C2orf80: variants seen among roughly 807,000 people sequenced by gnomAD.
The protein encoded by C2orf80 is uncharacterized protein C2orf80.
A neutral mutation model predicts 30.2 loss-of-function variants in C2orf80; 28 were observed. That is an observed-to-expected ratio of 0.93 (90% CI 0.69 to 1.27). The LOEUF (loss-of-function observed/expected upper bound fraction) is 1.27, where lower values mean the gene tolerates loss of function less well. C2orf80 is among the 50% of genes most tolerant of loss of function. The pLI is 0.00. For missense variants in C2orf80, 220 were observed against 231.0 expected (o/e 0.95, Z 0.31); for synonymous variants, 80 against 76.4 (o/e 1.05, Z -0.24).
At chr2:208,167,626 G>C (rs1322968987) in intron 8 of C2orf80, among the ~76,000 whole-genome samples, 1 of 152,094 alleles carries the variant, frequency 6.6e-6, no homozygotes, top group East Asian at 1.9e-4. Flanking sequence ...GCCCAGGCTG[G>C]AGTGCGCTGG....
intron 8 of C2orf80, 24 bp downstream of exon 8, chr2:208,170,921 T>G: frequency 1.3e-6 from 2 of 1,580,638 alleles, no homozygotes; most frequent in Non-Finnish European, 1.7e-6. Context: ...ATCAGTTTGG[T>G]CCAATTTACA....
At chr2:208,180,413 A>C (rs1323479162) in intron 6 of C2orf80, among the ~76,000 whole-genome samples, 1 of 151,554 alleles carries the variant, frequency 6.6e-6, no homozygotes, top group East Asian at 1.9e-4. Flanking sequence ...TCGCACCACT[A>C]TACTCCAGCC....
chr2:208,180,375 C>G (rs919179399), intron 6 of C2orf80, among the ~76,000 whole-genome samples: 3 of 151,488 alleles, frequency 2.0e-5, no homozygotes, highest in African/African-American at 7.3e-5. Flanking sequence ...TCCTTGAACC[C>G]AGGAGGCAGA....
intron 8 of C2orf80, among the ~76,000 whole-genome samples, chr2:208,170,702 TCA>T (rs1373062741): frequency 6.6e-6 from 1 of 152,212 alleles, no homozygotes; most frequent in African/African-American, 2.4e-5. Context: ...ATGAATAATC[TCA>T]GTTAATCACC....
chr2:208,183,152 A>G, intron 3 of C2orf80, 105 bp from the exon 4 acceptor site: 1 of 811,840 alleles, frequency 1.2e-6, no homozygotes, highest in Non-Finnish European at 2.0e-6. Context: ...CTAGTCTGTC[A>G]TGTCCAAAAT....
intron 6 of C2orf80, among the ~76,000 whole-genome samples, chr2:208,176,909 G>GTATATACATATCTGTATACATATCTGTA (rs369983428): frequency 5.8e-5 from 3 of 51,784 alleles, no homozygotes; most frequent in East Asian, 2.7e-3. Flanking sequence ...ACATATCTGT[G>GTATATACATATCTGTATACATATCTGTA]TATACATATC....
rs1559346365 is a variant in C2orf80 at position 208,188,447 on chromosome 2, G to GT, written c.-75-1387_-75-1386insA. Reference sequence around the variant, plus strand: ...TCCCTAGGCCACCTTCATTATTTTGGATTTTTTTTTTTTTTTTGAGACGGA... The same window carrying GT: ...TCCCTAGGCCACCTTCATTATTTTGGTATTTTTTTTTTTTTTTTGAGACGGA... On this transcript the variant is annotated intron_variant, in intron 1 of 8. Transcript: ENST00000341287. 1.1e-3 allele frequency among the ~76,000 whole-genome samples: 161 copies of GT among 150,058 alleles called. 1 individual carries two copies. In the South Asian group the frequency reaches 0.016, roughly 15 times the overall value.
rs570430577 is a variant in C2orf80, at chr2:208,181,031, A to G, written c.294+187T>C. On this transcript the variant is annotated intron_variant, in intron 5 of 8. Coordinates refer to ENST00000341287, the MANE Select transcript of C2orf80 (RefSeq NM_001099334.3). ...CTTTTCTTTTTTCTTTGCCTCTTAAATAAATGTTTTCACATACAGTGTAGA... is the reference window on the plus strand; with the variant it reads ...CTTTTCTTTTTTCTTTGCCTCTTAAGTAAATGTTTTCACATACAGTGTAGA... 5.3e-5 allele frequency among the ~76,000 whole-genome samples: 8 copies of G among 152,334 alleles called. No individual in the cohort carries two copies. In the East Asian group the frequency reaches 1.5e-3, roughly 29 times the overall value.
chr2:208,174,818 G>C (rs10191647), intron 6 of C2orf80, among the ~76,000 whole-genome samples: 1,709 of 152,286 alleles, frequency 0.011, 32 homozygotes, highest in African/African-American at 0.039. Context: ...GGAAAGCAGA[G>C]GTTCTAGTGC....
intron 3 of C2orf80, 136 bp downstream of exon 3, chr2:208,184,815 G>T: frequency 1.7e-6 from 1 of 599,982 alleles, no homozygotes; most frequent in South Asian, 2.4e-5. Context: ...TCAGGGTGAG[G>T]GGAAGATGAG....
chr2:208,189,710 TG>T (rs1402440830), intron 1 of C2orf80, among the ~76,000 whole-genome samples: 1 of 152,212 alleles, frequency 6.6e-6, no homozygotes, highest in African/African-American at 2.4e-5. Flanking sequence ...GTTTTGTGTG[TG>T]GCTGAAAGCA....
At chr2:208,176,978 CAGAAATGTATA>C (rs1559340691) in intron 6 of C2orf80, among the ~76,000 whole-genome samples, 18 of 8,136 alleles carry the variant, frequency 2.2e-3, no homozygotes, top group African/African-American at 4.6e-3. Flanking sequence ...TACATATATA[CAGAAATGTATA>C]TGTATACATA....
intron 1 of C2orf80, among the ~76,000 whole-genome samples, chr2:208,189,141 A>G (rs1482248654): frequency 1.3e-5 from 2 of 152,340 alleles, no homozygotes; most frequent in Middle Eastern, 6.8e-3. Context: ...TTGGAAAAAC[A>G]TTTGTTGCTA....
At chr2:208,189,599 A>G (rs1000869118) in intron 1 of C2orf80, among the ~76,000 whole-genome samples, 14 of 152,372 alleles carry the variant, frequency 9.2e-5, no homozygotes, top group African/African-American at 3.4e-4. Flanking sequence ...CCTGGTCTAA[A>G]GAAGGCCATT....
intron 1 of C2orf80, among the ~76,000 whole-genome samples, chr2:208,188,274 T>C (rs1487639052): frequency 6.6e-6 from 1 of 152,168 alleles, no homozygotes; most frequent in East Asian, 1.9e-4. Context: ...TACGTATATT[T>C]AAATCACTAC....
chr2:208,169,175 A>G (rs1553595355), intron 8 of C2orf80, among the ~76,000 whole-genome samples: 1 of 151,942 alleles, frequency 6.6e-6, no homozygotes, highest in Non-Finnish European at 1.5e-5. Flanking sequence ...TTTTCCTTAC[A>G]TAGGGTCCAT....
At chr2:208,187,249 A>T (rs1047581252) in intron 1 of C2orf80, among the ~76,000 whole-genome samples, 188 bp from the exon 2 acceptor site, 1 of 152,144 alleles carries the variant, frequency 6.6e-6, no homozygotes, top group African/African-American at 2.4e-5. Context: ...GACACCTTTT[A>T]TTCCTTCCAA....
chr2:208,185,433 T>C (rs1297757639), intron 2 of C2orf80, among the ~76,000 whole-genome samples: 1 of 152,212 alleles, frequency 6.6e-6, no homozygotes, highest in African/African-American at 2.4e-5. Flanking sequence ...ATATATAAAA[T>C]TCTGTAGGTA....
chr2:208,165,909 C>T, intron 8 of C2orf80, 94 bp from the exon 9 acceptor site: 1 of 753,880 alleles, frequency 1.3e-6, no homozygotes, highest in Non-Finnish European at 2.2e-6. Flanking sequence ...GGTCAAATAT[C>T]AGATACTAAC....
Sources: gnomAD v4.1 joint callset for allele counts (sites outside exome capture counted in the v4.1 genomes callset) on GRCh38, gnomAD v4.1.1 for gene constraint, MANE v1.5 for transcripts, NCBI Gene and HGNC (gene_info 2026-07-23, HGNC 2026-07-21) for gene names.